CDK5RAP2: variants seen among roughly 807,000 people sequenced by gnomAD.
CDK5RAP2 encodes the protein CDK5 regulatory subunit associated protein 2.
A neutral mutation model predicts 232.9 loss-of-function variants in CDK5RAP2; 147 were observed. That is an observed-to-expected ratio of 0.63 (90% confidence interval 0.55 to 0.72). The LOEUF (loss-of-function observed/expected upper bound fraction) is 0.72. Among genes scored for constraint, CDK5RAP2 ranks in the 30% least tolerant of loss-of-function variants. The probability of loss-of-function intolerance (pLI) is 0.00; values close to 1 mark genes in which losing one functional copy is unlikely to be tolerated. For missense variants in CDK5RAP2, 2,195 were observed against 2,231.5 expected, an observed-to-expected ratio of 0.98 and a Z score of 0.33; for synonymous variants, 833 against 833.7, an observed-to-expected ratio of 1.00 and a Z score of 0.01.
At chr9:120,422,396 G>A (rs2034619849) in intron 26 of CDK5RAP2, among the ~76,000 whole-genome samples, 1 of 152,210 alleles carries the variant, frequency 6.6e-6, no homozygotes, top group Admixed American at 6.5e-5. Context: ...CCAGGCTAAG[G>A]AGTCTGGAGT....
chr9:120,487,155 T>C (rs1465219196), intron 14 of CDK5RAP2, 139 bp downstream of exon 14: 2 of 880,364 alleles, frequency 2.3e-6, no homozygotes, highest in African/African-American at 3.3e-5. Context: ...GGCTAAGAAC[T>C]CCTCCTCCTA....
chr9:120,421,921 T>C (rs971408373), intron 26 of CDK5RAP2, among the ~76,000 whole-genome samples: 3 of 152,226 alleles, frequency 2.0e-5, no homozygotes, highest in Admixed American at 1.3e-4. Flanking sequence ...GACCCACAGC[T>C]TCCTCATCCT....
intron 2 of CDK5RAP2, among the ~76,000 whole-genome samples, chr9:120,568,760 C>T (rs2042739920): frequency 6.6e-6 from 1 of 152,112 alleles, no homozygotes; most frequent in Non-Finnish European, 1.5e-5. Context: ...GACTTGACAG[C>T]AGGGGTTGGC....
At chr9:120,569,274 G>T (rs2042759432) in intron 2 of CDK5RAP2, among the ~76,000 whole-genome samples, 1 of 152,126 alleles carries the variant, frequency 6.6e-6, no homozygotes, top group South Asian at 2.1e-4. Context: ...TTCTAGATGT[G>T]GAAACATCAG....
chr9:120,397,544 T>TAAAAAAAA (rs760469422), intron 35 of CDK5RAP2, among the ~76,000 whole-genome samples: 42 of 49,116 alleles, frequency 8.6e-4, no homozygotes, highest in East Asian at 1.1e-3. Context: ...AAAACATTCT[T>TAAAAAAAA]AAAAAAAAAA....
chr9:120,515,831 A>G (rs1292253270), intron 12 of CDK5RAP2, among the ~76,000 whole-genome samples: 1 of 152,224 alleles, frequency 6.6e-6, no homozygotes, highest in African/African-American at 2.4e-5. Context: ...ACCACCTCAC[A>G]CCAGTTAGAA....
intron 29 of CDK5RAP2, among the ~76,000 whole-genome samples, chr9:120,409,834 A>G (rs1350320041): frequency 1.3e-5 from 2 of 152,242 alleles, no homozygotes; most frequent in African/African-American, 4.8e-5. Flanking sequence ...CACATTCAAG[A>G]GCAGCTTCTC....
At chr9:120,524,478 T>C (rs2040810998) in intron 11 of CDK5RAP2, among the ~76,000 whole-genome samples, 1 of 151,880 alleles carries the variant, frequency 6.6e-6, no homozygotes, top group Non-Finnish European at 1.5e-5. Context: ...CCGGCTCAAG[T>C]AAAAATACAA....
intron 12 of CDK5RAP2, among the ~76,000 whole-genome samples, chr9:120,501,083 T>C (rs1283588811): frequency 6.6e-6 from 1 of 152,222 alleles, no homozygotes; most frequent in Non-Finnish European, 1.5e-5. Flanking sequence ...GCATTTACTC[T>C]TCACAACATA....
At chr9:120,492,516 T>A (rs1329785169) in intron 12 of CDK5RAP2, among the ~76,000 whole-genome samples, 1 of 152,198 alleles carries the variant, frequency 6.6e-6, no homozygotes, top group Admixed American at 6.5e-5. Context: ...TAAACGTTTA[T>A]ACAATTATCT....
rs377153379 is a variant in CDK5RAP2, at chr9:120,571,971, T to G, written c.127+3A>C. On this transcript the variant is annotated splice_donor_region_variant and intron_variant, in intron 2 of 37. Coordinates refer to ENST00000349780, the MANE Select transcript of CDK5RAP2 (RefSeq NM_018249.6). ...AAGAGAATGCCTGGTTTTGTGTACT[T>G]ACGACCATTTCCCAACCCAGCATTG... 1 of 1,611,978 alleles carries G rather than the reference T, an allele frequency of 6.2e-7. No individual in the cohort carries two copies. The highest frequency in any genetic ancestry group is 1.3e-5 in the African/African-American group (1 of 74,886).
chr9:120,414,188 T>C (rs2034064581), intron 28 of CDK5RAP2, among the ~76,000 whole-genome samples: 1 of 152,242 alleles, frequency 6.6e-6, no homozygotes, highest in Non-Finnish European at 1.5e-5. Context: ...CTCATAACAT[T>C]GCCTCATTTA....
At chr9:120,400,074 G>A (rs1480404476) in intron 35 of CDK5RAP2, among the ~76,000 whole-genome samples, 3 of 152,136 alleles carry the variant, frequency 2.0e-5, no homozygotes, top group Non-Finnish European at 4.4e-5. Flanking sequence ...ACACCACCAA[G>A]CAGAGAGTTC....
In CDK5RAP2 at chr9:120,460,682, G is replaced by A. The variant is rs2059580956; in HGVS notation, c.2107-15C>T. On this transcript the variant is annotated splice_polypyrimidine_tract_variant and intron_variant, in intron 18 of 37. Transcript: ENST00000349780. ...CTAGCCAGAAGCTACATGGAGCATG[G>A]AATGGTGTGAAAATGCAACCCAAAA... is the stretch of plus-strand genomic sequence containing the variant. 4 of 1,613,568 alleles carry A rather than the reference G, an allele frequency of 2.5e-6. No individual in the cohort carries two copies. Among genetic ancestry groups the A allele is most frequent in the African/African-American group, 1.3e-5 (1 of 74,794 alleles).
intron 12 of CDK5RAP2, 56 bp from the exon 13 acceptor site, chr9:120,491,533 T>C (rs1379697078): frequency 6.5e-6 from 8 of 1,238,564 alleles, no homozygotes; most frequent in Non-Finnish European, 9.4e-6. Context: ...CAATCTCTTA[T>C]GTGTTTGACT....
intron 29 of CDK5RAP2, among the ~76,000 whole-genome samples, chr9:120,410,424 T>C (rs1363791202): frequency 6.6e-6 from 1 of 152,190 alleles, no homozygotes; most frequent in Non-Finnish European, 1.5e-5. Flanking sequence ...TCCTCCGTTC[T>C]TGAAGGCAAG....
intron 32 of CDK5RAP2, among the ~76,000 whole-genome samples, chr9:120,404,513 G>T (rs763798254): frequency 6.6e-6 from 1 of 152,222 alleles, no homozygotes; most frequent in Non-Finnish European, 1.5e-5. Flanking sequence ...AGGAGGGAAA[G>T]AAATGCCAGG....
intron 14 of CDK5RAP2, among the ~76,000 whole-genome samples, chr9:120,485,293 CTTTT>C (rs111411839): frequency 3.0e-5 from 4 of 132,344 alleles, no homozygotes; most frequent in Middle Eastern, 3.5e-3. Context: ...CATTTAGATA[CTTTT>C]TTTTTTTTTT....
At chr9:120,400,121 G>A (rs897618249) in intron 35 of CDK5RAP2, among the ~76,000 whole-genome samples, 7 of 152,198 alleles carry the variant, frequency 4.6e-5, no homozygotes, top group Admixed American at 4.6e-4. Flanking sequence ...TTCCTCCAGG[G>A]AGGTTTCTCT....
Sources: gnomAD v4.1 joint callset for allele counts (sites outside exome capture counted in the v4.1 genomes callset) on GRCh38, gnomAD v4.1.1 for gene constraint, MANE v1.5 for transcripts, NCBI Gene and HGNC (gene_info 2026-07-23, HGNC 2026-07-21) for gene names.